The following PEX5L variants were observed in gnomAD, a reference collection of about 807,000 sequenced individuals.
PEX5L encodes the protein PEX5-related protein.
Under a neutral mutation model 84.0 loss-of-function variants are expected in PEX5L, and 30 were observed. That is an observed-to-expected ratio of 0.36 (90% CI 0.27 to 0.48). The LOEUF is 0.48. PEX5L is among the 20% of genes least tolerant of loss of function. PEX5L has a pLI of 0.99. For missense variants in PEX5L, 533 were observed against 754.6 expected (o/e 0.71, Z 3.44); for synonymous variants, 270 against 283.1 (o/e 0.95, Z 0.46).
At chr3:179,986,692 G>A (rs765226236) in intron 1 of PEX5L, among the ~76,000 whole-genome samples, 11 of 151,976 alleles carry the variant, frequency 7.2e-5, no homozygotes, top group Non-Finnish European at 8.8e-5. Context: ...GTGAGCCACC[G>A]CGCCCGGCCA....
At chr3:179,810,039 A>T in intron 11 of PEX5L, among the ~76,000 whole-genome samples, 1 of 103,378 alleles carries the variant, frequency 9.7e-6, no homozygotes, top group Non-Finnish European at 1.8e-5. Context: ...TTTTAGACAG[A>T]GTCTCACTCT....
rs1756234074 is a variant in PEX5L, at chr3:179,887,398, G to A, written c.310+275C>T. ...TTTTGTTTTAAAGATTTTCTAATGT[G>A]ATGAGACTTTAGATATAAATATGCA... On this transcript the variant is annotated intron_variant, in intron 4 of 14. Transcript: ENST00000467460. 3.3e-5 allele frequency among the ~76,000 whole-genome samples: 5 copies of A among 152,180 alleles called. 1 individual carries two copies. Among genetic ancestry groups the A allele is most frequent in the Admixed American group, 3.3e-4 (5 of 15,270 alleles).
At chr3:179,847,059 A>ATGTG (rs749528776) in intron 8 of PEX5L, among the ~76,000 whole-genome samples, 11 of 111,922 alleles carry the variant, frequency 9.8e-5, no homozygotes, top group South Asian at 5.6e-4. Context: ...CCCTTTCTCC[A>ATGTG]TGTGTGTGTG....
intron 4 of PEX5L, among the ~76,000 whole-genome samples, chr3:179,887,010 C>T (rs570890617): frequency 1.3e-5 from 2 of 152,300 alleles, no homozygotes; most frequent in Admixed American, 1.3e-4. Flanking sequence ...AGAAAGACTG[C>T]CTCTACAAGG....
At chr3:179,834,930 C>T (rs541240648) in intron 8 of PEX5L, among the ~76,000 whole-genome samples, 19 of 152,254 alleles carry the variant, frequency 1.2e-4, no homozygotes, top group African/African-American at 2.6e-4. Flanking sequence ...TAATCCAATA[C>T]GGCTGATTTC....
chr3:179,811,861 A>G lies in PEX5L; in HGVS notation c.1094T>C (p.Phe365Ser), dbSNP rs141827659. The G allele has an allele frequency of 1.2e-6, 2 of 1,613,294 alleles. No individual in the cohort carries two copies. The highest frequency in any genetic ancestry group is 2.7e-5 in the African/African-American group (2 of 74,906). ...QDPGDAEAWQ[F>S]LGITQAENEN... ...ATTCTCCGCCTGGGTTATCCCGAGGAACTGCCATGCCTACGAAAGACAACT... is the reference window on the plus strand; with the variant it reads ...ATTCTCCGCCTGGGTTATCCCGAGGGACTGCCATGCCTACGAAAGACAACT... Residue 365 changes from phenylalanine (F) to serine (S), a missense_variant, in exon 11 of 15, where the codon TTC becomes TCC. Phe to Ser is a radical substitution (Grantham distance 155). Transcript: ENST00000467460.
chr3:179,998,602 A>G (rs760777051), intron 1 of PEX5L, among the ~76,000 whole-genome samples: 3 of 152,136 alleles, frequency 2.0e-5, no homozygotes, highest in Non-Finnish European at 4.4e-5. Context: ...TTTGGTGGAA[A>G]CTGAACGTTT....
chr3:179,807,129 G>C lies in PEX5L; in HGVS notation c.1676+545C>G, dbSNP rs138189421. 1.6e-3 allele frequency among the ~76,000 whole-genome samples: 251 copies of C among 152,306 alleles called. 1 individual carries two copies. The highest frequency in any genetic ancestry group is 7.2e-4 in the Non-Finnish European group (49 of 68,022). On this transcript the variant is annotated intron_variant, in intron 14 of 14. Coordinates refer to ENST00000467460, the MANE Select transcript of PEX5L (RefSeq NM_016559.3). ...CCTTAACGACGAAGGACGAGAATGA[G>C]AAAGGCATTTTAAACTATAAGCCCA...
In PEX5L at chr3:179,801,752, T is replaced by C. The variant is rs1718908176; in HGVS notation, c.*76A>G. The C allele has an allele frequency of 3.1e-6, 3 of 979,322 alleles. No individual in the cohort carries two copies. The highest frequency in any genetic ancestry group is 4.9e-6 in the Non-Finnish European group (3 of 609,058). The allele number at this position is 979,322 out of a possible 1,614,324, so 60.7% of individuals were successfully genotyped here. On this transcript the variant is annotated 3_prime_UTR_variant, in exon 15 of 15. Transcript: ENST00000467460. Reference sequence around the variant, plus strand: ...AATATTTGATTTATCCTTTTGAAATTCATAATAAAATAGTTTTTGATTTTT... The same window carrying C: ...AATATTTGATTTATCCTTTTGAAATCCATAATAAAATAGTTTTTGATTTTT...
At chr3:179,942,261 C>T (rs957600472) in intron 2 of PEX5L, among the ~76,000 whole-genome samples, 10 of 152,282 alleles carry the variant, frequency 6.6e-5, no homozygotes, top group Middle Eastern at 6.8e-3. Context: ...ATTTCTCCTC[C>T]GAGGGCTCCT....
At chr3:179,913,137 G>A (rs1379803055) in intron 2 of PEX5L, among the ~76,000 whole-genome samples, 1 of 152,114 alleles carries the variant, frequency 6.6e-6, no homozygotes, top group Admixed American at 6.6e-5. Context: ...GCCTTTGAGT[G>A]TTCTCATTAA....
At chr3:179,839,019 G>T (rs1014410278) in intron 8 of PEX5L, among the ~76,000 whole-genome samples, 1 of 151,502 alleles carries the variant, frequency 6.6e-6, no homozygotes, top group African/African-American at 2.4e-5. Flanking sequence ...ATAAAGAAAG[G>T]CTTTCTCATT....
chr3:179,941,002 T>C (rs145264799), intron 2 of PEX5L, among the ~76,000 whole-genome samples: 14 of 152,246 alleles, frequency 9.2e-5, no homozygotes, highest in African/African-American at 3.4e-4. Context: ...GTAGAAAAGA[T>C]GAATAAGATA....
chr3:179,913,979 G>T (rs981132003), intron 2 of PEX5L, among the ~76,000 whole-genome samples: 1 of 151,938 alleles, frequency 6.6e-6, no homozygotes, highest in Non-Finnish European at 1.5e-5. Context: ...AGAACTCTAG[G>T]ATCTTTTATA....
rs938494826 is a variant in PEX5L, at chr3:179,905,532, T to C, written c.94-7286A>G. Among the ~76,000 whole-genome samples the C allele has an allele frequency of 3.4e-4, 51 of 152,206 alleles. 1 individual carries two copies. The highest frequency in any genetic ancestry group is 9.4e-4 in the African/African-American group (39 of 41,444). ...CCTCGACCTCCCAAAGTGCTGGGATTACAGGCGTGAGCCACCGCGCCCCGC... is the reference window on the plus strand; with the variant it reads ...CCTCGACCTCCCAAAGTGCTGGGATCACAGGCGTGAGCCACCGCGCCCCGC... On this transcript the variant is annotated intron_variant, in intron 2 of 14. Coordinates refer to ENST00000467460, the MANE Select transcript of PEX5L (RefSeq NM_016559.3).
intron 8 of PEX5L, among the ~76,000 whole-genome samples, chr3:179,843,948 A>G (rs62291598): frequency 0.03 from 4,633 of 152,328 alleles, 110 homozygotes; most frequent in Non-Finnish European, 0.047. Flanking sequence ...CTTCCTGAGT[A>G]ATGAGGCAGA....
At chr3:179,851,152 G>A (rs7640024) in intron 8 of PEX5L, among the ~76,000 whole-genome samples, 106,951 of 151,998 alleles carry the variant, frequency 0.7, 38,358 homozygotes, top group African/African-American at 0.84. Context: ...TTAAAGAGAA[G>A]TAAAGAAAGT....
chr3:180,018,189 C>G lies in PEX5L; in HGVS notation c.21+18390G>C, dbSNP rs191302224. Among the ~76,000 whole-genome samples the G allele has an allele frequency of 2.7e-3, 418 of 152,272 alleles. 3 individuals are homozygous for G. The highest frequency in any genetic ancestry group is 9.4e-3 in the African/African-American group (391 of 41,542). ...CTCATCTATTAATATATACCATATA[C>G]CTCATATGAACAAAAGTAAAACATA... On this transcript the variant is annotated intron_variant, in intron 1 of 14. Coordinates refer to ENST00000467460, the MANE Select transcript of PEX5L (RefSeq NM_016559.3).
At chr3:179,899,410 G>T (rs1470209478) in intron 2 of PEX5L, among the ~76,000 whole-genome samples, 1 of 152,018 alleles carries the variant, frequency 6.6e-6, no homozygotes, top group Non-Finnish European at 1.5e-5. Context: ...CCTATCACAG[G>T]CAGAGAAACG....
Sources: gnomAD v4.1 joint callset for allele counts (sites outside exome capture counted in the v4.1 genomes callset) on GRCh38, gnomAD v4.1.1 for gene constraint, MANE v1.5 for transcripts, NCBI Gene and HGNC (gene_info 2026-07-23, HGNC 2026-07-21) for gene names.